Variants in DBH observed in about 807,000 individuals in gnomAD.
DBH encodes dopamine beta-hydroxylase.
In DBH, 49 loss-of-function variants were observed where a neutral mutation model predicts 64.0. That is an observed-to-expected ratio of 0.77 (90% CI 0.61 to 0.97). DBH has a LOEUF of 0.97. DBH is among the 50% of genes least tolerant of loss of function. The pLI is 0.00. For missense variants in DBH, 828 were observed against 826.6 expected, an observed-to-expected ratio of 1.00 and a Z score of -0.02; for synonymous variants, 343 against 347.1, an observed-to-expected ratio of 0.99 and a Z score of 0.13.
intron 5 of DBH, among the ~76,000 whole-genome samples, chr9:133,646,587 G>A (rs920991287): frequency 1.3e-5 from 2 of 152,156 alleles, no homozygotes; most frequent in African/African-American, 2.4e-5. Context: ...TGCAATGCAC[G>A]ATCTCAGCTT....
chr9:133,651,730 G>A lies in DBH; in HGVS notation c.1288G>A (p.Glu430Lys). Residue 430 changes from glutamate (E) to lysine (K), a missense_variant, in exon 7 of 12, where the codon GAG becomes AAG. Coordinates refer to ENST00000393056, the MANE Select transcript of DBH (RefSeq NM_000787.4). ...VVTVLVRDGR[E>K]WEIVNQDNHY... is the part of the protein sequence containing the mutation. ...CACAGTGCTGGTCCGGGACGGCCGG[G>A]AGTGGGAGATCGTGAACCAGGACAA... 2 of 1,613,872 alleles carry A rather than the reference G, an allele frequency of 1.2e-6. No individual in the cohort carries two copies. Among genetic ancestry groups the A allele is most frequent in the Non-Finnish European group, 1.7e-6 (2 of 1,179,978 alleles).
At chr9:133,645,921 G>C (rs1832175936) in intron 5 of DBH, among the ~76,000 whole-genome samples, 1 of 152,184 alleles carries the variant, frequency 6.6e-6, no homozygotes, top group African/African-American at 2.4e-5. Flanking sequence ...TATGCTTAGA[G>C]CATTTTTGGC....
At position 133,643,415 on chromosome 9, in the gene DBH, C is replaced by T. The variant is rs35465867; in HGVS notation, c.747C>T (p.Tyr249=). The T allele has an allele frequency of 3.3e-3, 5,334 of 1,613,778 alleles. 29 individuals are homozygous for T. Among genetic ancestry groups the T allele is most frequent in the Non-Finnish European group, 2.8e-3 (3,255 of 1,179,990 alleles). The change falls in exon 4 of 12, where the codon TAC becomes TAT. Residue 249 remains tyrosine, a splice_region_variant and synonymous_variant. Transcript: ENST00000393056. This position sits in a 1 kb window ranked among gnomAD's most constrained non-coding sequence, Gnocchi z 5.3. ...CTCAGAGGGCTGCCTCCTCACAGTACGAGCCCATCGTCACCAAGGGCAATG... is the reference window on the plus strand; with the variant it reads ...CTCAGAGGGCTGCCTCCTCACAGTATGAGCCCATCGTCACCAAGGGCAATG... The part of the protein sequence containing the change: ...KGFSRHHIIK[Y]EPIVTKGNEA...
chr9:133,653,017 C>A lies in DBH; in HGVS notation c.1434+18C>A, dbSNP rs754900562. On this transcript the variant is annotated intron_variant, in intron 9 of 11. Transcript: ENST00000393056. ...CCACAGTGGTAAGTCACCCCCGCTT[C>A]CCCCTGCACCTGCCCAGGGCGAGTG... 1 of 1,593,258 alleles carries A rather than the reference C, an allele frequency of 6.3e-7. No individual in the cohort carries two copies. Among genetic ancestry groups the A allele is most frequent in the South Asian group, 1.1e-5 (1 of 90,688 alleles).
chr9:133,640,255 G>A (rs967389727), intron 2 of DBH, among the ~76,000 whole-genome samples: 2 of 152,322 alleles, frequency 1.3e-5, no homozygotes, highest in East Asian at 1.9e-4. Flanking sequence ...TTCTAGATGC[G>A]GGGCTTGTGC....
chr9:133,652,313 C>A (rs745762736), intron 8 of DBH, 29 bp downstream of exon 8: 3 of 1,611,528 alleles, frequency 1.9e-6, no homozygotes, highest in Non-Finnish European at 1.7e-6. Flanking sequence ...GGCTGTCCCA[C>A]TCACTGCCAC....
chr9:133,641,095 C>T (rs371015470), intron 2 of DBH, among the ~76,000 whole-genome samples: 42 of 152,112 alleles, frequency 2.8e-4, no homozygotes, highest in African/African-American at 9.9e-4. Flanking sequence ...CTCACACAAG[C>T]GTGAATGTTG....
chr9:133,647,118 C>T (rs1000298149), intron 5 of DBH, among the ~76,000 whole-genome samples: 5 of 152,164 alleles, frequency 3.3e-5, no homozygotes, highest in Non-Finnish European at 7.3e-5. Flanking sequence ...CAACGCTGGC[C>T]CTCCTCCTGG....
At chr9:133,647,417 T>A (rs2131288485) in intron 5 of DBH, among the ~76,000 whole-genome samples, 1 of 152,290 alleles carries the variant, frequency 6.6e-6, no homozygotes, top group Non-Finnish European at 1.5e-5. Context: ...CCAGCTTAGG[T>A]TCCTTTGAAC....
At chr9:133,644,138 C>G (rs1457281851) in intron 4 of DBH, 80 bp from the exon 5 acceptor site, 2 of 1,044,462 alleles carry the variant, frequency 1.9e-6, no homozygotes, top group Non-Finnish European at 3.0e-6. Context: ...CAGGCCCCAA[C>G]AGTTGACTGG....
chr9:133,643,078 T>C lies in DBH; in HGVS notation c.745-335T>C, dbSNP rs1045967351. On this transcript the variant is annotated intron_variant, in intron 3 of 11. Transcript: ENST00000393056. This position sits in a 1 kb window ranked among gnomAD's most constrained non-coding sequence, Gnocchi z 5.3. ...AAGAGGCATGGCCTTGAAGGTGCGC[T>C]TTGGGCCCGGGCTCTAACCTCAGGG... Among the ~76,000 whole-genome samples the C allele has an allele frequency of 2.0e-5, 3 of 152,136 alleles. No individual in the cohort carries two copies. Among genetic ancestry groups the C allele is most frequent in the Non-Finnish European group, 2.9e-5 (2 of 68,026 alleles).
rs747989310 is a variant in DBH, at chr9:133,657,094, C to T, written c.1587C>T (p.Thr529=). 2 of 1,614,012 alleles carry T rather than the reference C, an allele frequency of 1.2e-6. No homozygotes were observed. The highest frequency in any genetic ancestry group is 2.2e-5 in the South Asian group (2 of 91,088). The change falls in exon 11 of 12, where the codon ACC becomes ACT. Residue 529 remains threonine, a synonymous_variant. Coordinates refer to ENST00000393056, the MANE Select transcript of DBH (RefSeq NM_000787.4). ...GGTTCAACAACGAGGATGTCTGCAC[C>T]TGCCCTCAGGCGTCCGTGTCTCAGC... ...INRFNNEDVC[T]CPQASVSQQF...
At chr9:133,641,307 G>A (rs1832113691) in intron 2 of DBH, among the ~76,000 whole-genome samples, 1 of 152,196 alleles carries the variant, frequency 6.6e-6, no homozygotes, top group South Asian at 2.1e-4. Flanking sequence ...CAGAAGAGGT[G>A]TTCTTCCAGG....
rs151085828 is a variant in DBH at position 133,636,608 on chromosome 9, G to A, written c.237G>A (p.Arg79=). The A allele has an allele frequency of 2.4e-5, 39 of 1,613,604 alleles. No individual in the cohort carries two copies. Among genetic ancestry groups the A allele is most frequent in the Non-Finnish European group, 3.0e-5 (35 of 1,180,030 alleles). Residue 79 remains arginine (R), a synonymous_variant, in exon 1 of 12, where the codon CGG becomes CGA. Transcript: ENST00000393056. ...CCATCCATTTCCAGCTCCTGGTGCG[G>A]AGGCTCAAGGCTGGCGTCCTGTTTG... is the stretch of plus-strand genomic sequence containing the variant. ...QEAIHFQLLV[R]RLKAGVLFGM...
At chr9:133,636,994 A>G (rs1832061347) in intron 1 of DBH, among the ~76,000 whole-genome samples, 1 of 152,146 alleles carries the variant, frequency 6.6e-6, no homozygotes, top group Admixed American at 6.5e-5. Context: ...CAGAGGACGC[A>G]CACACCACAC....
At position 133,647,869 on chromosome 9, in the gene DBH, C is replaced by T. The variant is rs772846040; in HGVS notation, c.1048C>T (p.Arg350Cys). 24 of 1,614,120 alleles carry T rather than the reference C, an allele frequency of 1.5e-5. No homozygotes were observed. The South Asian group carries it at 2.1e-4, about 14-fold the overall frequency. ...IEGRNDSSGI[R>C]LYYTAKLRRF... ...AGGACGAAACGACTCCTCAGGCATCCGCTTGTACTACACAGCCAAGCTGCG... is the reference window on the plus strand; with the variant it reads ...AGGACGAAACGACTCCTCAGGCATCTGCTTGTACTACACAGCCAAGCTGCG... The change falls in exon 6 of 12, where the codon CGC becomes TGC. Residue 350 changes from arginine (R) to cysteine (C), a missense_variant. Arg to Cys is a radical substitution (Grantham distance 180, BLOSUM62 -3). Coordinates refer to ENST00000393056, the MANE Select transcript of DBH (RefSeq NM_000787.4).
At chr9:133,656,047 G>A (rs1346306181) in intron 9 of DBH, 7 of 253,500 alleles carry the variant, frequency 2.8e-5, no homozygotes, top group South Asian at 4.9e-5. Flanking sequence ...AGAAATGACT[G>A]GTGGACGGTG....
chr9:133,652,186 G>A (rs1452101798), intron 7 of DBH, 60 bp from the exon 8 acceptor site: 5 of 1,602,384 alleles, frequency 3.1e-6, no homozygotes, highest in South Asian at 1.1e-5. Flanking sequence ...GTGGCCGGGG[G>A]TCTGGTCTGC....
At chr9:133,657,014 C>G in intron 10 of DBH, 56 bp from the exon 11 acceptor site, 1 of 1,593,214 alleles carries the variant, frequency 6.3e-7, no homozygotes, top group Non-Finnish European at 8.6e-7. Context: ...CTGGTGCCCA[C>G]TGGGCTCCCT....
Sources: allele counts gnomAD v4.1 joint callset (sites outside exome capture counted in the v4.1 genomes callset), GRCh38; gene constraint gnomAD v4.1.1; non-coding constraint Gnocchi (gnomAD v3.1); transcripts MANE v1.5; gene names NCBI Gene and HGNC (gene_info 2026-07-23, HGNC 2026-07-21).